CD2AP: variants seen among roughly 807,000 people sequenced by gnomAD.
CD2AP encodes CD2-associated protein.
Under a neutral mutation model 85.1 loss-of-function variants are expected in CD2AP, and 46 were observed. That is an observed-to-expected ratio of 0.54 (90% CI 0.43 to 0.69). CD2AP has a LOEUF of 0.69. CD2AP is among the 30% of genes least tolerant of loss of function. CD2AP has a pLI of 0.00. For missense variants in CD2AP, 769 were observed against 729.5 expected, an observed-to-expected ratio of 1.05 and a Z score of -0.62; for synonymous variants, 255 against 252.9, an observed-to-expected ratio of 1.01 and a Z score of -0.08.
intron 6 of CD2AP, among the ~76,000 whole-genome samples, chr6:47,575,431 T>C (rs1768281185): frequency 6.6e-6 from 1 of 152,208 alleles, no homozygotes; most frequent in South Asian, 2.1e-4. Context: ...AGAGTTGTTA[T>C]TAGTGACTGT....
At chr6:47,601,634 A>G (rs1171548553) in intron 13 of CD2AP, among the ~76,000 whole-genome samples, 1 of 152,082 alleles carries the variant, frequency 6.6e-6, no homozygotes, top group Admixed American at 6.6e-5. Flanking sequence ...TTTAAATTAG[A>G]CGATCATATG....
chr6:47,478,297 G>A (rs1390161168), intron 1 of CD2AP, 49 bp downstream of exon 1: 2 of 1,561,154 alleles, frequency 1.3e-6, no homozygotes, highest in Admixed American at 1.9e-5. Flanking sequence ...TTCCAGACCC[G>A]GGGAGGCTGT....
At chr6:47,607,731 A>C (rs1769313463) in intron 14 of CD2AP, 196 bp from the exon 15 acceptor site, 1 of 501,930 alleles carries the variant, frequency 2.0e-6, no homozygotes, top group Non-Finnish European at 3.6e-6. Context: ...GCTAAGAGGC[A>C]AGCTGTTTTT....
rs1768318628 is a variant in CD2AP at position 47,576,546 on chromosome 6, G to A, written c.752G>A (p.Gly251Glu). The A allele has an allele frequency of 3.7e-6, 6 of 1,612,330 alleles. No individual in the cohort carries two copies. The highest frequency in any genetic ancestry group is 5.1e-6 in the Non-Finnish European group (6 of 1,178,800). The change falls in exon 7 of 18, where the codon GGA becomes GAA. Residue 251 changes from glycine (G) to glutamate (E), a missense_variant. Gly to Glu is a moderately conservative substitution (Grantham distance 98, BLOSUM62 -2). Coordinates refer to ENST00000359314, the MANE Select transcript of CD2AP (RefSeq NM_012120.3). The stretch of plus-strand genomic sequence containing the variant: ...TAGCCCTTAATCCTACAGTCACTGG[G>A]ACCCAAAACTCAGAGTGTGGAGATA... ...PEKPLILQSL[G>E]PKTQSVEITK...
rs998387632 is a variant in CD2AP at position 47,627,220 on chromosome 6, A to G, written c.*2993A>G. 2.0e-5 allele frequency: 3 copies of G among 152,314 alleles called. No individual in the cohort carries two copies. The highest frequency in any genetic ancestry group is 6.6e-5 in the Admixed American group (1 of 15,260). 9.4% of individuals were successfully genotyped at this position (152,314 alleles called of 1,614,324 possible). Reference sequence around the variant, plus strand: ...GTATGATGAAAATTATATTACTTCAATTTCCAAATACAAGAATAAATAGTA... The same window carrying G: ...GTATGATGAAAATTATATTACTTCAGTTTCCAAATACAAGAATAAATAGTA... On this transcript the variant is annotated 3_prime_UTR_variant, in exon 18 of 18. Coordinates refer to ENST00000359314, the MANE Select transcript of CD2AP (RefSeq NM_012120.3).
rs1465209897 is a variant in CD2AP, at chr6:47,625,011, G to C, written c.*784G>C. 1 of 151,856 alleles carries C rather than the reference G, an allele frequency of 6.6e-6. No individual in the cohort carries two copies. The highest frequency in any genetic ancestry group is 1.5e-5 in the Non-Finnish European group (1 of 67,812). 9.4% of individuals were successfully genotyped at this position (151,856 alleles called of 1,614,324 possible). On this transcript the variant is annotated 3_prime_UTR_variant, in exon 18 of 18. Coordinates refer to ENST00000359314, the MANE Select transcript of CD2AP (RefSeq NM_012120.3). ...GAAATATGAACTGTATTTTAAATTT[G>C]TTAGGTCTGAAGAATCTAAAACTGT...
chr6:47,534,968 A>G (rs1175660201), intron 3 of CD2AP, among the ~76,000 whole-genome samples: 3 of 151,740 alleles, frequency 2.0e-5, no homozygotes, highest in East Asian at 1.9e-4. Context: ...TAATTTTTGT[A>G]TTTTTCTTTG....
At chr6:47,565,530 G>A (rs936325273) in intron 5 of CD2AP, among the ~76,000 whole-genome samples, 1 of 152,000 alleles carries the variant, frequency 6.6e-6, no homozygotes, top group African/African-American at 2.4e-5. Context: ...CCATTTAGAT[G>A]TCTAATAGGC....
intron 1 of CD2AP, among the ~76,000 whole-genome samples, chr6:47,484,509 A>C (rs1765519648): frequency 6.6e-6 from 1 of 152,200 alleles, no homozygotes; most frequent in African/African-American, 2.4e-5. Flanking sequence ...ATCCTAGAAT[A>C]AACAATGCTT....
Position 47,626,932 on chromosome 6 carries a change from A to T in CD2AP, c.*2705A>T, listed in dbSNP as rs775329134. On this transcript the variant is annotated 3_prime_UTR_variant, in exon 18 of 18. Transcript: ENST00000359314. ...AAATCATATTTTAAAAGTTGCTGCT[A>T]TGAATATTTTTGGCTATAAAATTTT... is the stretch of plus-strand genomic sequence containing the variant. 1 of 152,474 alleles carries T rather than the reference A, an allele frequency of 6.6e-6. No individual in the cohort carries two copies. The highest frequency in any genetic ancestry group is 2.1e-4 in the South Asian group (1 of 4,830). The allele number at this position is 152,474 out of a possible 1,614,324, so 9.4% of individuals were successfully genotyped here.
At chr6:47,585,340 T>C (rs949117319) in intron 11 of CD2AP, among the ~76,000 whole-genome samples, 2 of 151,990 alleles carry the variant, frequency 1.3e-5, no homozygotes, top group Non-Finnish European at 2.9e-5. Flanking sequence ...TTTTGTTACT[T>C]TTATCTATGC....
At position 47,503,274 on chromosome 6, in the gene CD2AP, T is replaced by G; in HGVS notation, c.5-6T>G. On this transcript the variant is annotated splice_region_variant and splice_polypyrimidine_tract_variant and intron_variant, in intron 1 of 17. Coordinates refer to ENST00000359314, the MANE Select transcript of CD2AP (RefSeq NM_012120.3). The stretch of plus-strand genomic sequence containing the variant: ...TTAGACATTTCGTTTTTTCCCCCTT[T>G]TTTAGTTGACTATATTGTGGAGTAT... The G allele has an allele frequency of 6.2e-7, 1 of 1,613,294 alleles. No individual in the cohort carries two copies. Among genetic ancestry groups the G allele is most frequent in the East Asian group, 2.2e-5 (1 of 44,782 alleles).
intron 3 of CD2AP, among the ~76,000 whole-genome samples, chr6:47,535,933 T>C (rs1422915243): frequency 6.6e-6 from 1 of 152,192 alleles, no homozygotes; most frequent in African/African-American, 2.4e-5. Context: ...AGGTTCTGAA[T>C]ATTTTTTCAC....
Position 47,503,433 on chromosome 6 carries a change from T to G in CD2AP, c.158T>G (p.Phe53Cys). The G allele has an allele frequency of 6.2e-7, 1 of 1,613,610 alleles. No individual in the cohort carries two copies. The highest frequency in any genetic ancestry group is 2.2e-5 in the East Asian group (1 of 44,804). The change falls in exon 2 of 18, where the codon TTC becomes TGC. Residue 53 changes from phenylalanine to cysteine, a missense_variant. Coordinates refer to ENST00000359314, the MANE Select transcript of CD2AP (RefSeq NM_012120.3). ...AGAAGAGGAATGTTCCCTGACAATTTCGTTAAGGTAAGTATTTTCAGTTAA... is the reference window on the plus strand; with the variant it reads ...AGAAGAGGAATGTTCCCTGACAATTGCGTTAAGGTAAGTATTTTCAGTTAA... ...NGRRGMFPDN[F>C]VKEIKRETEF...
chr6:47,495,845 T>TA (rs1026826472), intron 1 of CD2AP, among the ~76,000 whole-genome samples: 25 of 152,362 alleles, frequency 1.6e-4, no homozygotes, highest in African/African-American at 6.0e-4. Context: ...CTTTTTCTGT[T>TA]ATTTTAGTGA....
chr6:47,608,610 C>G (rs1256099861), intron 15 of CD2AP, among the ~76,000 whole-genome samples: 2 of 152,142 alleles, frequency 1.3e-5, no homozygotes, highest in African/African-American at 4.8e-5. Context: ...TAATCTGATT[C>G]TCTCAGCTGT....
chr6:47,486,236 G>C (rs1482575608), intron 1 of CD2AP, among the ~76,000 whole-genome samples: 2 of 152,102 alleles, frequency 1.3e-5, no homozygotes, highest in Non-Finnish European at 2.9e-5. Context: ...GTTAAGGATT[G>C]GGCATATTAT....
chr6:47,553,529 T>C (rs898627251), intron 4 of CD2AP, among the ~76,000 whole-genome samples: 15 of 147,814 alleles, frequency 1.0e-4, no homozygotes, highest in Non-Finnish European at 1.9e-4. Context: ...TTTTTTTTTT[T>C]TTTTTTTTGT....
intron 5 of CD2AP, among the ~76,000 whole-genome samples, chr6:47,567,941 T>A (rs2114086390): frequency 6.6e-6 from 1 of 152,268 alleles, no homozygotes; most frequent in South Asian, 2.1e-4. Context: ...GAGAAGAGAC[T>A]GAGCTGCTGA....
Sources: allele counts gnomAD v4.1 joint callset (sites outside exome capture counted in the v4.1 genomes callset), GRCh38; gene constraint gnomAD v4.1.1; transcripts MANE v1.5; gene names NCBI Gene and HGNC (gene_info 2026-07-23, HGNC 2026-07-21).